PABPC4L: variants seen among roughly 807,000 people sequenced by gnomAD.
PABPC4L encodes polyadenylate-binding protein 4-like.
For missense variants in PABPC4L, 452 were observed against 451.4 expected (o/e 1.00, Z -0.01); for synonymous variants, 169 against 164.1 (o/e 1.03, Z -0.23).
At chr4:134,172,542 T>C in the PABPC4L span, among the ~76,000 whole-genome samples, 2 of 152,058 alleles carry the variant, frequency 1.3e-5, no homozygotes, top group East Asian at 3.9e-4. Flanking sequence ...ATGTAAAACC[T>C]AAAACTATAT....
chr4:134,151,151 G>A, the PABPC4L span, among the ~76,000 whole-genome samples: 1 of 151,986 alleles, frequency 6.6e-6, no homozygotes, highest in Admixed American at 6.6e-5. Context: ...GAATCGGAAG[G>A]GAAATAAAAT....
the PABPC4L span, among the ~76,000 whole-genome samples, chr4:134,003,165 T>C: frequency 6.6e-6 from 1 of 151,928 alleles, no homozygotes; most frequent in African/African-American, 2.4e-5. Context: ...CTAATGAGGC[T>C]CAGCAAAGTC....
the PABPC4L span, among the ~76,000 whole-genome samples, chr4:134,061,878 AG>A: frequency 3.3e-5 from 5 of 151,898 alleles, no homozygotes; most frequent in Admixed American, 1.3e-4. Context: ...AGAAGGAAAA[AG>A]GTGTCAAGAA....
At chr4:133,961,722 C>T in the PABPC4L span, among the ~76,000 whole-genome samples, 1 of 152,062 alleles carries the variant, frequency 6.6e-6, no homozygotes, top group Non-Finnish European at 1.5e-5. Context: ...CCGTCCACCA[C>T]TGCTGTTTGC....
chr4:134,033,843 A>G, the PABPC4L span, among the ~76,000 whole-genome samples: 5 of 152,096 alleles, frequency 3.3e-5, no homozygotes, highest in South Asian at 6.2e-4. Context: ...AAAAGAAAAT[A>G]AAAGTGTAAG....
the PABPC4L span, among the ~76,000 whole-genome samples, chr4:134,032,829 A>G: frequency 3.5e-3 from 529 of 151,948 alleles, 15 homozygotes; most frequent in East Asian, 0.089. Context: ...GATCAAAGAT[A>G]ATACTTACTT....
At chr4:134,112,618 A>ATCTATC in the PABPC4L span, among the ~76,000 whole-genome samples, 1 of 137,212 alleles carries the variant, frequency 7.3e-6, no homozygotes, top group Non-Finnish European at 1.6e-5. Flanking sequence ...ATCTATCTAT[A>ATCTATC]TATCTATCTA....
At chr4:134,122,767 A>T in the PABPC4L span, among the ~76,000 whole-genome samples, 6 of 151,898 alleles carry the variant, frequency 4.0e-5, no homozygotes, top group African/African-American at 1.4e-4. Flanking sequence ...ATATTTGCTT[A>T]CAATTTTTAC....
chr4:134,166,841 TC>T, the PABPC4L span, among the ~76,000 whole-genome samples: 40 of 152,260 alleles, frequency 2.6e-4, no homozygotes, highest in African/African-American at 9.4e-4. Flanking sequence ...CCTCTGCCCT[TC>T]ATTCACTGAC....
At chr4:134,165,834 C>T in the PABPC4L span, among the ~76,000 whole-genome samples, 26 of 152,194 alleles carry the variant, frequency 1.7e-4, no homozygotes, top group East Asian at 3.1e-3. Context: ...TACTTGCACA[C>T]GTATGCTTAT....
the PABPC4L span, among the ~76,000 whole-genome samples, chr4:133,976,499 T>C: frequency 1.3e-5 from 2 of 152,142 alleles, no homozygotes; most frequent in Non-Finnish European, 2.9e-5. Flanking sequence ...CTGGGTCAAA[T>C]AGTATTTCTG....
the PABPC4L span, among the ~76,000 whole-genome samples, chr4:134,050,291 C>A: frequency 1.3e-5 from 2 of 152,120 alleles, 1 homozygote; most frequent in African/African-American, 4.8e-5. Flanking sequence ...TGACATACCA[C>A]AAGCCCCATC....
At chr4:134,154,947 G>A in the PABPC4L span, among the ~76,000 whole-genome samples, 244 of 152,010 alleles carry the variant, frequency 1.6e-3, 3 homozygotes, top group Middle Eastern at 3.4e-3. Context: ...AACTTCAACC[G>A]AATATTGTAG....
At chr4:134,193,100 A>G (rs1441061270), downstream of PABPC4L, among the ~76,000 whole-genome samples, 2 of 152,050 alleles carry the variant, frequency 1.3e-5, no homozygotes, top group African/African-American at 2.4e-5. Flanking sequence ...GTTTTTGCCT[A>G]TAGTGTTCTA....
At chr4:134,167,318 A>G in the PABPC4L span, among the ~76,000 whole-genome samples, 1 of 152,030 alleles carries the variant, frequency 6.6e-6, no homozygotes, top group African/African-American at 2.4e-5. Flanking sequence ...AGCAGGGAGT[A>G]TTTGGGAAAT....
the PABPC4L span, among the ~76,000 whole-genome samples, chr4:133,962,876 T>G: frequency 2.0e-5 from 3 of 152,192 alleles, no homozygotes; most frequent in African/African-American, 7.2e-5. Flanking sequence ...AAACAAATCC[T>G]GGAAACATGT....
the PABPC4L span, among the ~76,000 whole-genome samples, chr4:134,054,859 A>G: frequency 6.6e-6 from 1 of 152,094 alleles, no homozygotes; most frequent in South Asian, 2.1e-4. Flanking sequence ...GTGTGAACAT[A>G]CAATTTCATT....
the PABPC4L span, among the ~76,000 whole-genome samples, chr4:134,033,188 T>A: frequency 6.6e-6 from 1 of 151,700 alleles, no homozygotes; most frequent in African/African-American, 2.4e-5. Flanking sequence ...TCTGTTAGAG[T>A]GATCCTTGGT....
chr4:134,192,325 A>G (rs1729533184), downstream of PABPC4L, among the ~76,000 whole-genome samples: 1 of 152,066 alleles, frequency 6.6e-6, no homozygotes, highest in Non-Finnish European at 1.5e-5. Flanking sequence ...AAGGTCCAGA[A>G]TATACAAATC....
Sources: gnomAD v4.1 joint callset for allele counts (sites outside exome capture counted in the v4.1 genomes callset) on GRCh38, gnomAD v4.1.1 for gene constraint, MANE v1.5 for transcripts, NCBI Gene and HGNC (gene_info 2026-07-23, HGNC 2026-07-21) for gene names.